The following LUZP2 variants were observed in gnomAD, a reference collection of about 807,000 sequenced individuals.
The protein encoded by LUZP2 is leucine zipper protein 2.
LUZP2 carries 52 observed loss-of-function variants against 51.6 expected under a neutral mutation model. The ratio of observed to expected loss-of-function variants is 1.01; its 90% confidence interval spans 0.81 to 1.27. The LOEUF is 1.27. Among genes scored for constraint, LUZP2 ranks in the 50% most tolerant of loss-of-function variants. The pLI is 0.00. For missense variants in LUZP2, 436 were observed against 395.4 expected, an observed-to-expected ratio of 1.10 and a Z score of -0.87; for synonymous variants, 154 against 137.3, an observed-to-expected ratio of 1.12 and a Z score of -0.85.
At chr11:24,561,728 G>A (rs1852047312) in intron 1 of LUZP2, among the ~76,000 whole-genome samples, 1 of 151,922 alleles carries the variant, frequency 6.6e-6, no homozygotes, top group East Asian at 1.9e-4. Context: ...TGCAGATCAT[G>A]GGTTGATGGG....
intron 1 of LUZP2, among the ~76,000 whole-genome samples, chr11:24,693,348 A>G (rs1022332695): frequency 6.6e-6 from 1 of 151,584 alleles, no homozygotes; most frequent in African/African-American, 2.4e-5. Flanking sequence ...TCACAGGACT[A>G]TCTAAGAAAT....
intron 1 of LUZP2, among the ~76,000 whole-genome samples, chr11:24,649,598 A>G (rs547129002): frequency 6.6e-6 from 1 of 152,062 alleles, no homozygotes; most frequent in Non-Finnish European, 1.5e-5. Context: ...TCGAAGAGTC[A>G]CTAATATATT....
chr11:24,513,169 A>T (rs11605418), intron 1 of LUZP2, among the ~76,000 whole-genome samples: 27,567 of 152,200 alleles, frequency 0.18, 2,861 homozygotes, highest in African/African-American at 0.29. Context: ...TTCTTTCAAA[A>T]CATGGAAACA....
chr11:24,909,451 G>A (rs549475820), intron 6 of LUZP2, among the ~76,000 whole-genome samples: 1 of 151,660 alleles, frequency 6.6e-6, no homozygotes, highest in African/African-American at 2.4e-5. Context: ...CACCATATGT[G>A]GTAGTAATCT....
chr11:24,897,819 T>C (rs1455274079), intron 5 of LUZP2, among the ~76,000 whole-genome samples: 1 of 152,220 alleles, frequency 6.6e-6, no homozygotes, highest in African/African-American at 2.4e-5. Context: ...GGGTTATTTA[T>C]TTTTTGCTTG....
At chr11:24,698,195 A>G (rs1857306613) in intron 1 of LUZP2, among the ~76,000 whole-genome samples, 1 of 152,220 alleles carries the variant, frequency 6.6e-6, no homozygotes, top group Admixed American at 6.5e-5. Flanking sequence ...TGCAGTAGGC[A>G]AGAAGAACCA....
intron 1 of LUZP2, among the ~76,000 whole-genome samples, chr11:24,514,310 T>C (rs1850398644): frequency 6.6e-6 from 1 of 152,194 alleles, no homozygotes; most frequent in Admixed American, 6.5e-5. Flanking sequence ...CAGTCTTTGG[T>C]TCCTCATCCA....
intron 9 of LUZP2, among the ~76,000 whole-genome samples, chr11:25,030,596 T>G (rs565168124): frequency 1.3e-5 from 2 of 151,894 alleles, no homozygotes; most frequent in Admixed American, 6.6e-5. Flanking sequence ...CTTGTTACTT[T>G]AAGCCTTAAA....
At chr11:24,914,670 A>G (rs999336346) in intron 7 of LUZP2, 132 bp downstream of exon 7, 22 of 632,258 alleles carry the variant, frequency 3.5e-5, no homozygotes, top group Non-Finnish European at 8.2e-6. Flanking sequence ...CATTAGAAAT[A>G]CTTTCATTTT....
intron 9 of LUZP2, among the ~76,000 whole-genome samples, chr11:25,003,045 T>G (rs779710746): frequency 8.6e-4 from 131 of 152,358 alleles, no homozygotes; most frequent in Non-Finnish European, 1.7e-3. Context: ...CTGGTTCCTC[T>G]GGCTAAAATT....
chr11:24,824,492 A>G (rs1850467315), intron 5 of LUZP2, among the ~76,000 whole-genome samples: 1 of 151,624 alleles, frequency 6.6e-6, no homozygotes, highest in African/African-American at 2.4e-5. Flanking sequence ...AACTAGAAAG[A>G]TATTAGTTAT....
chr11:24,905,247 C>G (rs1853409059), intron 5 of LUZP2, among the ~76,000 whole-genome samples: 1 of 152,076 alleles, frequency 6.6e-6, no homozygotes, highest in African/African-American at 2.4e-5. Context: ...AGAGTAAGGC[C>G]AGGTGCGGTG....
intron 5 of LUZP2, among the ~76,000 whole-genome samples, chr11:24,826,696 TAG>T (rs1471097209): frequency 6.6e-6 from 1 of 152,130 alleles, no homozygotes; most frequent in Non-Finnish European, 1.5e-5. Flanking sequence ...TGGAAATGTC[TAG>T]AGTTTCACTG....
chr11:25,056,381 T>A (rs1342398179), intron 10 of LUZP2, among the ~76,000 whole-genome samples: 1 of 152,072 alleles, frequency 6.6e-6, no homozygotes, highest in East Asian at 1.9e-4. Context: ...CTCTTTCAAT[T>A]TCAGGATTCT....
At chr11:24,625,622 C>T (rs1854649484) in intron 1 of LUZP2, among the ~76,000 whole-genome samples, 1 of 151,648 alleles carries the variant, frequency 6.6e-6, no homozygotes, top group Non-Finnish European at 1.5e-5. Context: ...AGTTCAAATG[C>T]ATTCTCTGTT....
chr11:25,032,394 G>A (rs1442099355), intron 9 of LUZP2, among the ~76,000 whole-genome samples: 5 of 152,092 alleles, frequency 3.3e-5, no homozygotes, highest in African/African-American at 1.2e-4. Context: ...ATCACTATGA[G>A]TTTCAATTTT....
intron 4 of LUZP2, among the ~76,000 whole-genome samples, chr11:24,762,269 G>T (rs185584722): frequency 6.6e-6 from 1 of 152,164 alleles, no homozygotes; most frequent in Admixed American, 6.5e-5. Context: ...AAACTTCTAA[G>T]AATACATTGT....
Position 24,633,964 on chromosome 11 carries a change from G to GTA in LUZP2, c.63-95198_63-95197dup, listed in dbSNP as rs1554966093. Among the ~76,000 whole-genome samples, 17 of 149,246 alleles carry GTA rather than the reference G, an allele frequency of 1.1e-4. 1 individual carries two copies. Among genetic ancestry groups the GTA allele is most frequent in the African/African-American group, 3.0e-4 (12 of 40,658 alleles). On this transcript the variant is annotated intron_variant, in intron 1 of 11. Coordinates refer to ENST00000336930, the MANE Select transcript of LUZP2 (RefSeq NM_001009909.4). ...CGTGTGTGTGTGTGTGTGTGTGTGT[G>GTA]TATATATAGTCTGTCTATTAAAGGA...
chr11:25,054,660 C>T (rs1858623326), intron 10 of LUZP2, among the ~76,000 whole-genome samples: 1 of 151,850 alleles, frequency 6.6e-6, no homozygotes, highest in Non-Finnish European at 1.5e-5. Flanking sequence ...TCTCATCTTT[C>T]AATTTTTTAA....
Sources: gnomAD v4.1 joint callset for allele counts (sites outside exome capture counted in the v4.1 genomes callset) on GRCh38, gnomAD v4.1.1 for gene constraint, MANE v1.5 for transcripts, NCBI Gene and HGNC (gene_info 2026-07-23, HGNC 2026-07-21) for gene names.